Variants in CREB5 observed in about 807,000 individuals in gnomAD.
The protein encoded by CREB5 is cAMP responsive element binding protein 5, also known as cyclic AMP-responsive element-binding protein 5.
In CREB5, 19 loss-of-function variants were observed where a neutral mutation model predicts 57.1. The observed-to-expected ratio is 0.33, with a 90% CI of 0.23 to 0.49. The LOEUF is 0.49. Ranked by LOEUF, CREB5 falls within the 20% of genes least tolerant of loss-of-function variation. The pLI is 0.99. For synonymous variants in CREB5, 238 were observed against 238.3 expected, an observed-to-expected ratio of 1.00 and a Z score of 0.01; for missense variants, 579 against 671.6, an observed-to-expected ratio of 0.86 and a Z score of 1.52.
chr7:28,446,592 G>T (rs902674394), intron 1 of CREB5, among the ~76,000 whole-genome samples: 1 of 152,018 alleles, frequency 6.6e-6, no homozygotes, highest in Non-Finnish European at 1.5e-5. Context: ...GGAGATCAAG[G>T]CCATCCTAGC....
At chr7:28,702,040 C>T (rs1801886134) in intron 5 of CREB5, among the ~76,000 whole-genome samples, 1 of 152,168 alleles carries the variant, frequency 6.6e-6, no homozygotes, top group East Asian at 1.9e-4. Flanking sequence ...TGAATTTTCT[C>T]AGCCATGCTA....
At chr7:28,624,066 C>T (rs1326421066) in intron 5 of CREB5, among the ~76,000 whole-genome samples, 1 of 152,084 alleles carries the variant, frequency 6.6e-6, no homozygotes, top group Non-Finnish European at 1.5e-5. Context: ...GACATGCTGC[C>T]CTCTACAGGT....
intron 2 of CREB5, among the ~76,000 whole-genome samples, chr7:28,490,727 A>G (rs928094211): frequency 6.6e-6 from 1 of 152,138 alleles, no homozygotes; most frequent in East Asian, 1.9e-4. Context: ...ATGTTTCCAG[A>G]CATTGCCAAA....
intron 9 of CREB5, among the ~76,000 whole-genome samples, chr7:28,809,910 T>C (rs1809005931): frequency 6.6e-6 from 1 of 152,246 alleles, no homozygotes; most frequent in African/African-American, 2.4e-5. Context: ...GGGGGTTGCC[T>C]TGGCTTATAC....
At chr7:28,699,869 T>G (rs1341499536) in intron 5 of CREB5, among the ~76,000 whole-genome samples, 12 of 152,010 alleles carry the variant, frequency 7.9e-5, no homozygotes, top group Admixed American at 7.9e-4. Flanking sequence ...CCCAAATGTC[T>G]CTCTCTAATG....
At chr7:28,438,560 G>A (rs1789053490) in intron 1 of CREB5, among the ~76,000 whole-genome samples, 1 of 152,162 alleles carries the variant, frequency 6.6e-6, no homozygotes, top group Non-Finnish European at 1.5e-5. Context: ...AACATGAGAT[G>A]TCTGATGTTA....
intron 5 of CREB5, among the ~76,000 whole-genome samples, chr7:28,623,600 A>G (rs1437561225): frequency 1.3e-5 from 2 of 152,232 alleles, no homozygotes; most frequent in Non-Finnish European, 2.9e-5. Context: ...TTAAAGAAAC[A>G]GATTCTACAG....
intron 1 of CREB5, chr7:28,435,647 G>A (rs906132357): frequency 3.6e-5 from 35 of 985,124 alleles, no homozygotes; most frequent in Non-Finnish European, 3.9e-5. Context: ...TTTCTGAAAC[G>A]ATCTCATTTA....
At chr7:28,689,125 G>T (rs944271362) in intron 5 of CREB5, among the ~76,000 whole-genome samples, 28 of 152,042 alleles carry the variant, frequency 1.8e-4, no homozygotes, top group Non-Finnish European at 3.5e-4. Flanking sequence ...TTGATTTTTG[G>T]TTTTTAATTA....
intron 4 of CREB5, among the ~76,000 whole-genome samples, chr7:28,549,162 G>T (rs1023382951): frequency 6.6e-6 from 1 of 152,098 alleles, no homozygotes; most frequent in Non-Finnish European, 1.5e-5. Flanking sequence ...GCATGATGTT[G>T]GCTTTTAACA....
At chr7:28,482,174 C>T (rs1451733493) in intron 1 of CREB5, among the ~76,000 whole-genome samples, 1 of 152,192 alleles carries the variant, frequency 6.6e-6, no homozygotes, top group Non-Finnish European at 1.5e-5. Flanking sequence ...CAATATCCCT[C>T]CCAAAGAAAG....
chr7:28,799,818 C>T (rs938221339), intron 7 of CREB5, among the ~76,000 whole-genome samples: 6 of 152,138 alleles, frequency 3.9e-5, no homozygotes, highest in African/African-American at 1.5e-4. Context: ...TGTACTTTTA[C>T]AGCCCATCTG....
chr7:28,598,571 T>C (rs1022928349), intron 5 of CREB5, among the ~76,000 whole-genome samples: 1 of 152,182 alleles, frequency 6.6e-6, no homozygotes, highest in Non-Finnish European at 1.5e-5. Context: ...GGTCATTCCT[T>C]GTGTCCCAGG....
intron 1 of CREB5, among the ~76,000 whole-genome samples, chr7:28,405,523 C>G (rs184225682): frequency 6.6e-6 from 1 of 152,302 alleles, no homozygotes; most frequent in East Asian, 1.9e-4. Context: ...AACAATCCTT[C>G]CATCTCAGCC....
At chr7:28,451,578 C>T (rs997782461) in intron 1 of CREB5, among the ~76,000 whole-genome samples, 1 of 151,250 alleles carries the variant, frequency 6.6e-6, no homozygotes, top group Non-Finnish European at 1.5e-5. Flanking sequence ...TTACAAATAG[C>T]GTGTTTTGAA....
At chr7:28,404,959 T>A (rs937753187) in intron 1 of CREB5, among the ~76,000 whole-genome samples, 2 of 152,226 alleles carry the variant, frequency 1.3e-5, no homozygotes, top group African/African-American at 4.8e-5. Flanking sequence ...GGTAAGTTAC[T>A]CAGCCTTTCT....
intron 5 of CREB5, among the ~76,000 whole-genome samples, chr7:28,643,270 A>T (rs1173448570): frequency 6.6e-6 from 1 of 152,146 alleles, no homozygotes; most frequent in African/African-American, 2.4e-5. Context: ...TTCCAAAAAC[A>T]CTTGCAAATT....
chr7:28,760,590 G>A (rs1488077746), intron 7 of CREB5, among the ~76,000 whole-genome samples: 1 of 152,134 alleles, frequency 6.6e-6, no homozygotes, highest in Non-Finnish European at 1.5e-5. Flanking sequence ...TACCTTGTTA[G>A]TAGACTGTTT....
At chr7:28,768,838 G>A (rs149271090) in intron 7 of CREB5, among the ~76,000 whole-genome samples, 12 of 152,354 alleles carry the variant, frequency 7.9e-5, no homozygotes, top group Non-Finnish European at 1.6e-4. Flanking sequence ...CTTCCCAGAA[G>A]GAGGTAGTTT....
Sources: gnomAD v4.1 joint callset for allele counts (sites outside exome capture counted in the v4.1 genomes callset) on GRCh38, gnomAD v4.1.1 for gene constraint, MANE v1.5 for transcripts, NCBI Gene and HGNC (gene_info 2026-07-23, HGNC 2026-07-21) for gene names.